TAF7L: variants seen among roughly 807,000 people sequenced by gnomAD.
TAF7L encodes transcription initiation factor TFIID subunit 7-like.
In TAF7L, 6 loss-of-function variants were observed where a neutral mutation model predicts 30.2. The observed-to-expected ratio is 0.20, with a 90% CI of 0.11 to 0.39. The LOEUF (loss-of-function observed/expected upper bound fraction) is 0.39, where lower values mean the gene tolerates loss of function less well. Ranked by LOEUF, TAF7L falls within the 10% of genes least tolerant of loss-of-function variation. The probability of loss-of-function intolerance (pLI) is 1.00; values close to 1 mark genes in which losing one functional copy is unlikely to be tolerated. For missense variants in TAF7L, 284 were observed against 277.1 expected, an observed-to-expected ratio of 1.03 and a Z score of -0.18; for synonymous variants, 93 against 94.5, an observed-to-expected ratio of 0.98 and a Z score of 0.09.
intron 12 of TAF7L, 109 bp from the exon 13 acceptor site, chrX:101,269,346 T>C (rs1646582759): frequency 1.4e-6 from 1 of 689,845 alleles, no homozygotes; most frequent in Admixed American, 2.6e-5. Flanking sequence ...TTATTTGGCA[T>C]TTATAAGGTT....
At chrX:101,292,253 AAAT>A (rs1382744575), upstream of TAF7L, among the ~76,000 whole-genome samples, 1 of 24,734 alleles carries the variant, frequency 4.0e-5, no homozygotes. Context: ...AAAAAAAAAT[AAAT>A]AAAAAAAATA....
At position 101,282,313 on chromosome X, in the gene TAF7L, G is replaced by C. The variant is rs1569511525; in HGVS notation, c.406+14C>G. On this transcript the variant is annotated intron_variant, in intron 5 of 12. Coordinates refer to ENST00000356784, the MANE Select transcript of TAF7L (RefSeq NM_001168474.2). ...TTTTAGTCAGCAGGAATGAGCAAGG[G>C]GCTGGTGACTTACTGCCATGCTTCC... 1.7e-6 allele frequency: 2 copies of C among 1,210,509 alleles called. No homozygotes were observed. Among genetic ancestry groups the C allele is most frequent in the South Asian group, 3.5e-5 (2 of 56,842 alleles).
At chrX:101,281,063 T>C (rs1321639985) in intron 6 of TAF7L, among the ~76,000 whole-genome samples, 2 of 111,342 alleles carry the variant, frequency 1.8e-5, no homozygotes, top group Admixed American at 9.6e-5. Context: ...GACAGATACA[T>C]GAACTTACAC....
chrX:101,292,108 G>A (rs1362990993), upstream of TAF7L, among the ~76,000 whole-genome samples: 3 of 103,188 alleles, frequency 2.9e-5, no homozygotes, highest in Non-Finnish European at 5.9e-5. Flanking sequence ...GCGTAGTGGC[G>A]GGCGCCTGTA....
intron 5 of TAF7L, 124 bp from the exon 6 acceptor site, chrX:101,281,899 T>C (rs1924423718): frequency 1.5e-6 from 1 of 658,727 alleles, no homozygotes; most frequent in African/African-American, 2.3e-5. Context: ...TTTTTTTTTT[T>C]TTTTGAGATC....
intron 2 of TAF7L, among the ~76,000 whole-genome samples, 155 bp downstream of exon 2, chrX:101,287,323 A>G (rs1268888781): frequency 8.9e-6 from 1 of 111,987 alleles, no homozygotes; most frequent in African/African-American, 3.2e-5. Flanking sequence ...AGTACACGCT[A>G]TGATAGGACT....
At chrX:101,275,810 T>C (rs148925585) in intron 11 of TAF7L, among the ~76,000 whole-genome samples, 190 bp downstream of exon 11, 1 of 111,749 alleles carries the variant, frequency 8.9e-6, no homozygotes, top group East Asian at 2.8e-4. Flanking sequence ...TTCCCCAAAA[T>C]GCTTATATTA....
In TAF7L at chrX:101,269,227, A is replaced by G. The variant is rs770600669; in HGVS notation, c.1097T>C (p.Leu366Pro). The G allele has an allele frequency of 8.3e-6, 10 of 1,206,519 alleles. No homozygotes were observed. In the Admixed American group the frequency reaches 1.1e-4, roughly 13 times the overall value. ...CAGAAAACGCTGCAACTGTTCCTGT[A>G]GGGAAATGAGCTGTAGGGAGAGGTA... ...EKQKNEKLIS[L>P]QEQLQRFLKK Residue 366 changes from leucine to proline, a missense_variant, in exon 13 of 13, where the codon CTA becomes CCA. Leu to Pro is a moderately conservative substitution (Grantham distance 98). Transcript: ENST00000356784.
At chrX:101,280,534 G>T (rs1168875725) in intron 6 of TAF7L, among the ~76,000 whole-genome samples, 1 of 111,637 alleles carries the variant, frequency 9.0e-6, no homozygotes, top group African/African-American at 3.2e-5. Context: ...TTATTGGCAG[G>T]AATATAAAAT....
chrX:101,277,736 G>A lies in TAF7L; in HGVS notation c.578-17C>T, dbSNP rs749581510. 3.6e-6 allele frequency: 4 copies of A among 1,107,294 alleles called. No individual in the cohort carries two copies. The highest frequency in any genetic ancestry group is 5.0e-6 in the Non-Finnish European group (4 of 807,453). The allele number at this position is 1,107,294 out of a possible 1,213,427, so 91.3% of individuals were successfully genotyped here. On this transcript the variant is annotated splice_polypyrimidine_tract_variant and intron_variant, in intron 8 of 12. Coordinates refer to ENST00000356784, the MANE Select transcript of TAF7L (RefSeq NM_001168474.2). Reference sequence around the variant, plus strand: ...CTTCCCAACCTGAAAGGAGTGGGTAGTCAAGGAAAACACAGAAGGAAACAA... The same window carrying A: ...CTTCCCAACCTGAAAGGAGTGGGTAATCAAGGAAAACACAGAAGGAAACAA...
intron 9 of TAF7L, among the ~76,000 whole-genome samples, chrX:101,277,067 A>T (rs1283460313): frequency 9.7e-6 from 1 of 103,067 alleles, no homozygotes; most frequent in Non-Finnish European, 2.0e-5. Context: ...CACAAGAACT[A>T]CTTGAACCTG....
At chrX:101,283,711 T>C in intron 3 of TAF7L, 128 bp from the exon 4 acceptor site, 1 of 685,436 alleles carries the variant, frequency 1.5e-6, no homozygotes, top group Non-Finnish European at 2.2e-6. Flanking sequence ...CTCATAATGC[T>C]AGAATTGTGT....
intron 12 of TAF7L, among the ~76,000 whole-genome samples, chrX:101,272,268 TCAA>T (rs1429692813): frequency 2.7e-5 from 3 of 111,896 alleles, no homozygotes; most frequent in Non-Finnish European, 5.6e-5. Flanking sequence ...TCCTTCTCCT[TCAA>T]CACCCAGTAA....
At chrX:101,282,034 C>T (rs1441193286) in intron 5 of TAF7L, among the ~76,000 whole-genome samples, 1 of 109,372 alleles carries the variant, frequency 9.1e-6, no homozygotes, top group Non-Finnish European at 1.9e-5. Context: ...TACAGGTGCC[C>T]GCCACCACAC....
At chrX:101,291,480 G>A (rs911866485), upstream of TAF7L, 3 of 151,579 alleles carry the variant, frequency 2.0e-5, no homozygotes, top group African/African-American at 3.1e-5. Context: ...GGGAAGGCTC[G>A]AAAGGCGCGG....
chrX:101,286,983 G>A (rs1020679839), intron 2 of TAF7L, among the ~76,000 whole-genome samples: 1 of 112,046 alleles, frequency 8.9e-6, no homozygotes, highest in African/African-American at 3.2e-5. Flanking sequence ...ACCCTAATTA[G>A]GGAAATAGGT....
intron 12 of TAF7L, among the ~76,000 whole-genome samples, chrX:101,273,398 G>A (rs915858640): frequency 3.6e-5 from 4 of 110,976 alleles, no homozygotes. Flanking sequence ...GACCATCCTC[G>A]CTAACACGGT....
intron 1 of TAF7L, among the ~76,000 whole-genome samples, chrX:101,289,129 T>C (rs1928399824): frequency 8.9e-6 from 1 of 112,274 alleles, no homozygotes; most frequent in African/African-American, 3.2e-5. Context: ...AGATTCCACA[T>C]ATAAGTGAGA....
At chrX:101,282,946 G>A (rs1217508565) in intron 4 of TAF7L, among the ~76,000 whole-genome samples, 3 of 110,430 alleles carry the variant, frequency 2.7e-5, no homozygotes, top group Non-Finnish European at 5.7e-5. Context: ...TGTTTTTGTA[G>A]AGATGAGGTC....
Sources: gnomAD v4.1 joint callset for allele counts (sites outside exome capture counted in the v4.1 genomes callset) on GRCh38, gnomAD v4.1.1 for gene constraint, MANE v1.5 for transcripts, NCBI Gene and HGNC (gene_info 2026-07-23, HGNC 2026-07-21) for gene names.